Variants in TSPAN19 observed in about 807,000 individuals in gnomAD.
TSPAN19 encodes tetraspanin-19.
TSPAN19 carries 44 observed loss-of-function variants against 35.1 expected under a neutral mutation model. The observed-to-expected ratio is 1.25, with a 90% CI of 0.98 to 1.61. The LOEUF is 1.61. TSPAN19 is among the 40% of genes most tolerant of loss of function. The probability of loss-of-function intolerance (pLI) is 0.00; values close to 1 mark genes in which losing one functional copy is unlikely to be tolerated. For synonymous variants in TSPAN19, 79 were observed against 92.0 expected (o/e 0.86, Z 0.81); for missense variants, 290 against 280.0 (o/e 1.04, Z -0.26).
intron 4 of TSPAN19, among the ~76,000 whole-genome samples, chr12:85,024,001 A>C (rs1877266084): frequency 6.6e-6 from 1 of 152,158 alleles, no homozygotes; most frequent in African/African-American, 2.4e-5. Context: ...AATTATCTCT[A>C]AATATGTTGA....
At chr12:85,017,653 TA>T in intron 6 of TSPAN19, 54 bp from the exon 7 acceptor site, 2 of 1,357,170 alleles carry the variant, frequency 1.5e-6, no homozygotes, top group Non-Finnish European at 2.0e-6. Flanking sequence ...TGCAGTTAAT[TA>T]TATGAGATTA....
chr12:85,032,075 AT>A (rs929359174), intron 1 of TSPAN19, among the ~76,000 whole-genome samples: 1 of 152,144 alleles, frequency 6.6e-6, no homozygotes, highest in African/African-American at 2.4e-5. Flanking sequence ...ATCACTGGAA[AT>A]TTAAAAATTC....
In TSPAN19 at chr12:85,017,516, G is replaced by C; in HGVS notation, c.534C>G (p.Cys178Trp). 6.2e-7 allele frequency: 1 copy of C among 1,605,772 alleles called. No homozygotes were observed. The change falls in exon 7 of 9, where the codon TGC (cysteine) becomes TGG (tryptophan). Residue 178 changes from cysteine (C) to tryptophan (W), a missense_variant. Coordinates refer to ENST00000532498, the MANE Select transcript of TSPAN19 (RefSeq NM_001100917.2). ...ACCATTTTCTTAAAGTTGACTTTGT[G>C]CAAGAACATGGCACCTGTCCTGAAT... ...KENSGQVPCSCTKSTLRKWFC... is the reference protein window; with the variant it reads ...KENSGQVPCSWTKSTLRKWFC...
At chr12:85,027,295 A>G (rs1339987215) in intron 4 of TSPAN19, among the ~76,000 whole-genome samples, 1 of 152,020 alleles carries the variant, frequency 6.6e-6, no homozygotes, top group African/African-American at 2.4e-5. Context: ...AGGGGAGGAA[A>G]AGAGTGGGGC....
chr12:85,017,376 T>G, intron 7 of TSPAN19, 80 bp downstream of exon 7: 4 of 1,276,562 alleles, frequency 3.1e-6, no homozygotes, highest in Non-Finnish European at 4.3e-6. Context: ...TATAAAAATT[T>G]GCTCAGAATT....
chr12:85,019,692 C>T lies in TSPAN19; in HGVS notation c.384G>A (p.Glu128=). 6.2e-7 allele frequency: 1 copy of T among 1,609,222 alleles called. No individual in the cohort carries two copies. Among genetic ancestry groups the T allele is most frequent in the African/African-American group, 1.3e-5 (1 of 74,682 alleles). ...WHDKIDFVIS[E]YGSKDKPEDI... ...CTTCAGGCTTATCTTTAGATCCATACTCAGAAATGACAAAATCAATTTTGT... is the reference window on the plus strand; with the variant it reads ...CTTCAGGCTTATCTTTAGATCCATATTCAGAAATGACAAAATCAATTTTGT... The change falls in exon 6 of 9, where the codon GAG becomes GAA. Residue 128 remains glutamate (E), a synonymous_variant. Transcript: ENST00000532498.
At chr12:85,027,794 T>C in intron 4 of TSPAN19, 105 bp downstream of exon 4, 1 of 1,130,588 alleles carries the variant, frequency 8.8e-7, no homozygotes, top group African/African-American at 1.6e-5. Context: ...TCTAAGGACA[T>C]ACTCTACTGC....
chr12:85,033,399 T>G (rs1029061559), intron 1 of TSPAN19, among the ~76,000 whole-genome samples: 2 of 151,924 alleles, frequency 1.3e-5, no homozygotes, highest in Non-Finnish European at 2.9e-5. Context: ...GGCCTCAATG[T>G]GGAAGCCAAA....
chr12:85,030,315 G>T (rs116910038), intron 1 of TSPAN19, among the ~76,000 whole-genome samples: 8,144 of 152,134 alleles, frequency 0.054, 289 homozygotes, highest in Non-Finnish European at 0.082. Flanking sequence ...CCATCTTACT[G>T]TATTTTTAAA....
intron 5 of TSPAN19, among the ~76,000 whole-genome samples, chr12:85,021,399 G>C (rs1877116269): frequency 6.6e-6 from 1 of 151,962 alleles, no homozygotes; most frequent in South Asian, 2.1e-4. Context: ...AAGAAGATTA[G>C]AATAATGAAA....
chr12:85,014,518 T>C lies in TSPAN19; in HGVS notation c.716A>G (p.Asn239Ser). 6.2e-7 allele frequency: 1 copy of C among 1,605,244 alleles called. No individual in the cohort carries two copies. Among genetic ancestry groups the C allele is most frequent in the Non-Finnish European group, 8.5e-7 (1 of 1,175,216 alleles). The part of the protein sequence containing the change: ...QVSLTVCFFK[N>S]IKNIIHAEM ...TTCTGCATGGATTATATTCTTGATG[T>C]TTTTGAAGAAACAAACTGTTAATGA... Residue 239 changes from asparagine (N) to serine (S), a missense_variant, in exon 9 of 9, where the codon AAC (asparagine) becomes AGC (serine). Transcript: ENST00000532498.
chr12:85,033,901 TTATCTCGTTATATCATAAGGCTAG>T (rs1877793972), intron 1 of TSPAN19, among the ~76,000 whole-genome samples: 1 of 152,204 alleles, frequency 6.6e-6, no homozygotes, highest in South Asian at 2.1e-4. Flanking sequence ...TAGATGTTAG[TTATCTCGTTATATCATAAGGCTAG>T]AATCTCGTTA....
In TSPAN19 at chr12:85,023,334, TC is replaced by T; in HGVS notation, c.330del (p.Glu112ArgfsTer27). The T allele has an allele frequency of 6.3e-7, 1 of 1,581,806 alleles. No homozygotes were observed. The highest frequency in any genetic ancestry group is 1.2e-5 in the South Asian group (1 of 86,134). On this transcript the variant is annotated frameshift_variant, in exon 5 of 9. Coordinates refer to ENST00000532498, the MANE Select transcript of TSPAN19 (RefSeq NM_001100917.2). LOFTEE classifies it high-confidence loss of function. ...QVVLSAFIIT[K>X]KEEVQQLWHD... ...GGATTTACTTTCCATACCTCCTCTTTCTTTGTGATGATGAATGCTGAAAGTA... is the reference window on the plus strand; with the variant it reads ...GGATTTACTTTCCATACCTCCTCTTTTTTGTGATGATGAATGCTGAAAGTA...
At position 85,027,884 on chromosome 12, in the gene TSPAN19, A is replaced by C. The variant is rs1877490655; in HGVS notation, c.264+15T>G. ...TCTAAGACAAAAATTCAAACTATTG[A>C]CATGAAATACGTACCACAATTAGGA... On this transcript the variant is annotated intron_variant, in intron 4 of 8. Coordinates refer to ENST00000532498, the MANE Select transcript of TSPAN19 (RefSeq NM_001100917.2). 1.3e-6 allele frequency: 2 copies of C among 1,546,940 alleles called. No individual in the cohort carries two copies. Among genetic ancestry groups the C allele is most frequent in the African/African-American group, 2.8e-5 (2 of 72,378 alleles).
In TSPAN19 at chr12:85,016,039, A is replaced by G; in HGVS notation, c.595-68T>C. On this transcript the variant is annotated intron_variant, in intron 7 of 8. Coordinates refer to ENST00000532498, the MANE Select transcript of TSPAN19 (RefSeq NM_001100917.2). ...GATCTTATACATAAATCTTTACAAAAAATAAAAGGTAAACAGAGATTAGTA... is the reference window on the plus strand; with the variant it reads ...GATCTTATACATAAATCTTTACAAAGAATAAAAGGTAAACAGAGATTAGTA... 3 of 1,018,608 alleles carry G rather than the reference A, an allele frequency of 2.9e-6. No individual in the cohort carries two copies. In the South Asian group the frequency reaches 5.1e-5, roughly 17 times the overall value. 63.1% of individuals were successfully genotyped at this position (1,018,608 alleles called of 1,614,324 possible).
chr12:85,027,796 C>T (rs1877485928), intron 4 of TSPAN19, 103 bp downstream of exon 4: 3 of 1,155,220 alleles, frequency 2.6e-6, no homozygotes, highest in African/African-American at 1.6e-5. Context: ...TAAGGACATA[C>T]TCTACTGCAG....
intron 4 of TSPAN19, among the ~76,000 whole-genome samples, chr12:85,026,221 C>T (rs1877402423): frequency 6.6e-6 from 1 of 152,144 alleles, no homozygotes; most frequent in African/African-American, 2.4e-5. Flanking sequence ...ATTTCCTTTG[C>T]CTATATGGAA....
At chr12:85,019,047 T>A (rs946065024) in intron 6 of TSPAN19, among the ~76,000 whole-genome samples, 2 of 151,904 alleles carry the variant, frequency 1.3e-5, no homozygotes, top group African/African-American at 4.8e-5. Context: ...CACTGTGAAA[T>A]AATAATCTTT....
At position 85,014,473 on chromosome 12, in the gene TSPAN19, T is replaced by C; in HGVS notation, c.*14A>G. On this transcript the variant is annotated 3_prime_UTR_variant, in exon 9 of 9. Coordinates refer to ENST00000532498, the MANE Select transcript of TSPAN19 (RefSeq NM_001100917.2). ...AATTAACTGGTTTCTTCTGAACAAA[T>C]TGAAATCCAAAGGTCACATTTCTGC... The C allele has an allele frequency of 6.4e-7, 1 of 1,574,790 alleles. No individual in the cohort carries two copies. The highest frequency in any genetic ancestry group is 8.7e-7 in the Non-Finnish European group (1 of 1,154,324).
Sources: gnomAD v4.1 joint callset for allele counts (sites outside exome capture counted in the v4.1 genomes callset) on GRCh38, gnomAD v4.1.1 for gene constraint, MANE v1.5 for transcripts, NCBI Gene and HGNC (gene_info 2026-07-23, HGNC 2026-07-21) for gene names.